C6orf62: variants seen among roughly 807,000 people sequenced by gnomAD.
C6orf62 encodes the protein uncharacterized protein C6orf62.
In C6orf62, 16 loss-of-function variants were observed where a neutral mutation model predicts 26.8. The ratio of observed to expected loss-of-function variants is 0.60; its 90% CI spans 0.40 to 0.91. The LOEUF (loss-of-function observed/expected upper bound fraction) is 0.91. Ranked by LOEUF, C6orf62 falls within the 40% of genes least tolerant of loss-of-function variation. C6orf62 has a pLI of 0.00. For synonymous variants in C6orf62, 112 were observed against 91.5 expected (o/e 1.22, Z -1.28); for missense variants, 192 against 271.4 (o/e 0.71, Z 2.06).
chr6:24,718,359 T>C (rs186578490), intron 1 of C6orf62, among the ~76,000 whole-genome samples, 181 bp downstream of exon 1: 23 of 152,354 alleles, frequency 1.5e-4, no homozygotes, highest in Middle Eastern at 6.8e-3. Flanking sequence ...CAAGGGTCTT[T>C]TCGCATGCTG....
At chr6:24,716,073 G>C in intron 2 of C6orf62, 75 bp downstream of exon 2, 1 of 1,285,964 alleles carries the variant, frequency 7.8e-7, no homozygotes. Flanking sequence ...CACTTTAAGG[G>C]GGGTTCGGGG....
In C6orf62 at chr6:24,714,425, T is replaced by C; in HGVS notation, c.322A>G (p.Thr108Ala). ...QSMRRDVIGC[T>A]QEMDFILWPR... ...CAAAGAATGAAATCCATCTCCTGAG[T>C]ACAGCCAATTACATCCTATAAAATG... Residue 108 changes from threonine (T) to alanine (A), a missense_variant, in exon 3 of 5, where the codon ACT (threonine) becomes GCT (alanine). Thr to Ala is a moderately conservative substitution (Grantham distance 58, BLOSUM62 0). Transcript: ENST00000378119. The C allele has an allele frequency of 6.3e-7, 1 of 1,595,812 alleles. No homozygotes were observed. Among genetic ancestry groups the C allele is most frequent in the Non-Finnish European group, 8.5e-7 (1 of 1,172,528 alleles).
chr6:24,719,489 C>A, upstream of C6orf62: 1 of 1,111,764 alleles, frequency 9.0e-7, no homozygotes, highest in East Asian at 7.1e-5. Context: ...GAGTCATTAC[C>A]AACTTCCCCA....
chr6:24,706,354 T>A, intron 4 of C6orf62, 92 bp from the exon 5 acceptor site: 1 of 1,518,118 alleles, frequency 6.6e-7, no homozygotes, highest in Non-Finnish European at 8.9e-7. Flanking sequence ...ATTAAACATC[T>A]TAACATACAG....
chr6:24,718,960 ACTTT>A lies in C6orf62; in HGVS notation c.-296_-293del. ...GGAAAGAAAGAGGAGAAAATAACTA[ACTTT>A]CTGGAAAACACATTTGGCTTAACTG... On this transcript the variant is annotated 5_prime_UTR_variant, in exon 1 of 5. The change abolishes the stop of an existing upstream ORF in the 5' untranslated region. Transcript: ENST00000378119. The A allele has an allele frequency of 8.4e-7, 1 of 1,183,582 alleles. No individual in the cohort carries two copies. The highest frequency in any genetic ancestry group is 1.0e-6 in the Non-Finnish European group (1 of 952,558). The allele number at this position is 1,183,582 out of a possible 1,614,324, so 73.3% of individuals were successfully genotyped here. A position where few individuals can be genotyped will look rare whatever the true frequency, so the allele number is the denominator to read the frequency against.
At chr6:24,709,214 A>C (rs569572343) in intron 3 of C6orf62, 1 of 984,266 alleles carries the variant, frequency 1.0e-6, no homozygotes, top group South Asian at 4.7e-5. Flanking sequence ...AATTGTAGAG[A>C]ATTCTATTGG....
intron 1 of C6orf62, among the ~76,000 whole-genome samples, chr6:24,717,720 T>C (rs972018095): frequency 6.6e-6 from 1 of 152,246 alleles, no homozygotes; most frequent in Non-Finnish European, 1.5e-5. Flanking sequence ...ATTTCTGATC[T>C]GAAATTAGCT....
At chr6:24,708,740 A>G (rs1352230363) in intron 4 of C6orf62, 37 bp downstream of exon 4, 1 of 1,613,340 alleles carries the variant, frequency 6.2e-7, no homozygotes, top group African/African-American at 1.3e-5. Context: ...TAAGTTTTTG[A>G]ATGAGCCTGT....
rs751026384 is a variant in C6orf62, at chr6:24,704,911, TTTTC to T, written c.*1222_*1225del. 34 of 152,550 alleles carry T rather than the reference TTTTC, an allele frequency of 2.2e-4. No homozygotes were observed. Among genetic ancestry groups the T allele is most frequent in the Middle Eastern group, 6.8e-3 (2 of 294 alleles). The allele number at this position is 152,550 out of a possible 1,614,324, so 9.4% of individuals were successfully genotyped here. ...GGAACTTTCACCTATTTTATTTAGG[TTTTC>T]TTTTTCTTTTTTTCTTTTTTTTTCA... On this transcript the variant is annotated 3_prime_UTR_variant, in exon 5 of 5. Transcript: ENST00000378119.
rs1478644844 is a variant in C6orf62 at position 24,712,662 on chromosome 6, A to C, written c.429+1656T>G. 2.7e-5 allele frequency among the ~76,000 whole-genome samples: 4 copies of C among 146,146 alleles called. No homozygotes were observed. The East Asian group carries it at 8.0e-4, about 29-fold the overall frequency. ...AGCCAAGATCACACTACTGCACTCCAATCTGGCAACAGAGTGAGACTCTGT... is the reference window on the plus strand; with the variant it reads ...AGCCAAGATCACACTACTGCACTCCCATCTGGCAACAGAGTGAGACTCTGT... On this transcript the variant is annotated intron_variant, in intron 3 of 4. Coordinates refer to ENST00000378119, the MANE Select transcript of C6orf62 (RefSeq NM_030939.5).
rs1779294832 is a variant in C6orf62 at position 24,718,941 on chromosome 6, A to T, written c.-273T>A. On this transcript the variant is annotated 5_prime_UTR_variant, in exon 1 of 5. Transcript: ENST00000378119. ...GAAAAAGGGAGGAAAGAAAGGAAAG[A>T]AAGAGGAGAAAATAACTAACTTTCT... 8.1e-7 allele frequency: 1 copy of T among 1,232,834 alleles called. No homozygotes were observed. Among genetic ancestry groups the T allele is most frequent in the Non-Finnish European group, 1.0e-6 (1 of 984,050 alleles). The allele number at this position is 1,232,834 out of a possible 1,614,324, so 76.4% of individuals were successfully genotyped here.
chr6:24,720,297 CGGGGG>C, upstream of C6orf62: 1 of 1,285,150 alleles, frequency 7.8e-7, no homozygotes, highest in Non-Finnish European at 9.7e-7. Context: ...GCGGCGGCGG[CGGGGG>C]CGCTGCTGGT....
chr6:24,709,897 C>G, intron 3 of C6orf62: 1 of 985,412 alleles, frequency 1.0e-6, no homozygotes, highest in Non-Finnish European at 1.2e-6. Flanking sequence ...TTGGTTCAAA[C>G]AAATTTTATT....
intron 3 of C6orf62, among the ~76,000 whole-genome samples, chr6:24,711,270 A>ACAC (rs1450617276): frequency 2.6e-5 from 4 of 152,046 alleles, no homozygotes; most frequent in African/African-American, 9.7e-5. Context: ...ACACACACAC[A>ACAC]ACTTCTCATA....
chr6:24,715,870 A>AAAAG (rs146648741), intron 2 of C6orf62, among the ~76,000 whole-genome samples: 3,960 of 145,768 alleles, frequency 0.027, 178 homozygotes, highest in African/African-American at 0.088. Context: ...AAAAAAAAAA[A>AAAAG]GTCCGAGATC....
intron 4 of C6orf62, 43 bp downstream of exon 4, chr6:24,708,733 GT>G (rs1562167976): frequency 6.2e-7 from 1 of 1,612,394 alleles, no homozygotes; most frequent in Admixed American, 1.7e-5. Flanking sequence ...TAACCAATAA[GT>G]TTTTGAATGA....
chr6:24,719,155 C>CAAAAAAA, upstream of C6orf62: 1 of 874,768 alleles, frequency 1.1e-6, no homozygotes, highest in Non-Finnish European at 1.3e-6. Context: ...CCTTGCTTTC[C>CAAAAAAA]AAAAAAAAAA....
chr6:24,715,870 A>AAAG lies in C6orf62; in HGVS notation c.306+277_306+278insCTT, dbSNP rs146648741. Among the ~76,000 whole-genome samples, 133 of 146,318 alleles carry AAAG rather than the reference A, an allele frequency of 9.1e-4. 3 individuals are homozygous for AAAG. Among genetic ancestry groups the AAAG allele is most frequent in the African/African-American group, 3.1e-3 (117 of 38,192 alleles). Reference sequence around the variant, plus strand: ...TCTCAAAAAAAAAAAAAAAAAAAAAAGTCCGAGATCATCAACACCTAACAC... The same window carrying AAAG: ...TCTCAAAAAAAAAAAAAAAAAAAAAAAAGGTCCGAGATCATCAACACCTAACAC... On this transcript the variant is annotated intron_variant, in intron 2 of 4. Coordinates refer to ENST00000378119, the MANE Select transcript of C6orf62 (RefSeq NM_030939.5).
At chr6:24,712,900 A>T (rs1251388686) in intron 3 of C6orf62, among the ~76,000 whole-genome samples, 16 of 152,188 alleles carry the variant, frequency 1.1e-4, no homozygotes, top group Admixed American at 1.0e-3. Flanking sequence ...CTTAACTAAA[A>T]AACAACAAAA....
Sources: gnomAD v4.1 joint callset for allele counts (sites outside exome capture counted in the v4.1 genomes callset) on GRCh38, gnomAD v4.1.1 for gene constraint, MANE v1.5 for transcripts, NCBI Gene and HGNC (gene_info 2026-07-23, HGNC 2026-07-21) for gene names.